Variants in ZFHX3 observed in about 807,000 individuals in gnomAD.
The protein encoded by ZFHX3 is zinc finger homeobox 3.
ZFHX3 carries 42 observed loss-of-function variants against 279.1 expected under a neutral mutation model. The observed-to-expected ratio is 0.15, with a 90% confidence interval of 0.12 to 0.19. The LOEUF (loss-of-function observed/expected upper bound fraction) is 0.19, where lower values mean the gene tolerates loss of function less well. Ranked by LOEUF, ZFHX3 falls within the 10% of genes least tolerant of loss-of-function variation. The pLI is 1.00. For synonymous variants in ZFHX3, 2,293 were observed against 1,957.8 expected (o/e 1.17, Z -4.52); for missense variants, 4,981 against 4,754.0 (o/e 1.05, Z -1.40).
rs78827508 is a variant in ZFHX3, at chr16:73,589,290, G to T, written c.-1547+90890C>A. Among the ~76,000 whole-genome samples the T allele has an allele frequency of 6.9e-3, 535 of 77,926 alleles. 2 individuals carry two copies. The highest frequency in any genetic ancestry group is 0.02 in the Middle Eastern group (2 of 100). 51.1% of individuals were successfully genotyped at this position (77,926 alleles called of 152,430 possible). On this transcript the variant is annotated intron_variant, in intron 2 of 17. Transcript: ENST00000641206. ...AAAAAAAAAAAAAAAAAAAAAAAAA[G>T]CCAGGTGTGGTGGCATGCACCTGTA...
At chr16:73,679,652 T>C (rs2052990141) in intron 2 of ZFHX3, 1 of 152,234 alleles carries the variant, frequency 6.6e-6, no homozygotes, top group Non-Finnish European at 1.5e-5. Flanking sequence ...TCTATTTTAC[T>C]ATTCTGTGGA....
intron 2 of ZFHX3, among the ~76,000 whole-genome samples, chr16:73,617,652 C>T (rs532205271): frequency 1.3e-4 from 20 of 152,162 alleles, no homozygotes; most frequent in South Asian, 4.2e-4. Flanking sequence ...CCATTATTAG[C>T]GAAAGGTATT....
At chr16:72,943,372 A>G (rs1960504079) in intron 3 of ZFHX3, among the ~76,000 whole-genome samples, 1 of 152,094 alleles carries the variant, frequency 6.6e-6, no homozygotes, top group South Asian at 2.1e-4. Context: ...CATCTCTACT[A>G]AAAGTACAAA....
chr16:73,871,019 G>A (rs1044226447), intron 1 of ZFHX3, among the ~76,000 whole-genome samples: 1 of 152,180 alleles, frequency 6.6e-6, no homozygotes, highest in African/African-American at 2.4e-5. Flanking sequence ...CCAGGGAGCT[G>A]TAGATTGCAA....
chr16:73,599,005 C>A (rs969950255), intron 2 of ZFHX3, among the ~76,000 whole-genome samples: 2 of 152,076 alleles, frequency 1.3e-5, no homozygotes, highest in African/African-American at 4.8e-5. Flanking sequence ...TCGTGATCCA[C>A]CTGCCTCAGC....
At position 72,812,014 on chromosome 16, in the gene ZFHX3, T is replaced by C; in HGVS notation, c.3554A>G (p.Glu1185Gly). ...GGAGGTTGCAGGAGAATCTGTCAGC[T>C]CCTTCTCTGCTTGGCTGGACGATGC... ...GGASSSQAEK[E>G]LTDSPATSKR... is the part of the protein sequence containing the mutation. The change falls in exon 6 of 10, where the codon GAG (glutamate) becomes GGG (glycine). Residue 1185 changes from glutamate to glycine, a missense_variant. Glu to Gly is a moderately conservative substitution (Grantham distance 98). Around this residue, in one of 7 missense-constraint regions of ZFHX3, gnomAD observed 1,751 missense variants for 1,770.0 expected, o/e 0.99. Transcript: ENST00000268489. 1 of 1,614,076 alleles carries C rather than the reference T, an allele frequency of 6.2e-7. No homozygotes were observed. The highest frequency in any genetic ancestry group is 8.5e-7 in the Non-Finnish European group (1 of 1,180,028).
intron 1 of ZFHX3, among the ~76,000 whole-genome samples, chr16:73,717,481 C>A (rs574554159): frequency 5.3e-5 from 8 of 152,162 alleles, no homozygotes; most frequent in African/African-American, 1.9e-4. Context: ...ATATACCTAA[C>A]CTCAAATATT....
chr16:73,494,285 A>T (rs1373558454), intron 2 of ZFHX3, among the ~76,000 whole-genome samples: 5 of 152,188 alleles, frequency 3.3e-5, no homozygotes. Context: ...AAATGGCTGC[A>T]GGAAAGAGGG....
chr16:73,113,111 T>C (rs915044083), intron 7 of ZFHX3, among the ~76,000 whole-genome samples: 3 of 149,090 alleles, frequency 2.0e-5, no homozygotes, highest in African/African-American at 7.4e-5. Flanking sequence ...AAAGAGGGAA[T>C]GAGAGGAGGA....
chr16:72,885,018 G>A (rs1216067773), intron 4 of ZFHX3, among the ~76,000 whole-genome samples: 1 of 152,248 alleles, frequency 6.6e-6, no homozygotes, highest in Non-Finnish European at 1.5e-5. Context: ...GTGGGGATTG[G>A]AAGAGGAACC....
chr16:72,950,919 C>G lies in ZFHX3; in HGVS notation c.2766G>C (p.Leu922=), dbSNP rs757686484. The G allele has an allele frequency of 2.5e-6, 4 of 1,613,898 alleles. No homozygotes were observed. The highest frequency in any genetic ancestry group is 3.4e-6 in the Non-Finnish European group (4 of 1,180,032). Residue 922 remains leucine, a synonymous_variant, in exon 3 of 10, where the codon CTG becomes CTC. Transcript: ENST00000268489. ...PLDMRLGGGQ[L]VSEELMNLGE... ...CCAGGTTCATCAGCTCCTCTGACAC[C>G]AGCTGCCCGCCCCCGAGCCGCATGT...
At chr16:73,471,543 G>A (rs555972527) in intron 2 of ZFHX3, among the ~76,000 whole-genome samples, 1 of 152,168 alleles carries the variant, frequency 6.6e-6, no homozygotes, top group East Asian at 1.9e-4. Flanking sequence ...CAAGTAGTTG[G>A]GATTACAGGC....
intron 4 of ZFHX3, among the ~76,000 whole-genome samples, chr16:73,315,876 CT>C (rs1197600876): frequency 6.6e-6 from 1 of 152,150 alleles, no homozygotes; most frequent in Non-Finnish European, 1.5e-5. Context: ...TTCAGCCCCC[CT>C]GGGAGTTGCA....
intron 3 of ZFHX3, among the ~76,000 whole-genome samples, chr16:73,378,070 T>C (rs1259747551): frequency 3.2e-5 from 2 of 62,270 alleles, no homozygotes; most frequent in African/African-American, 4.3e-5. Context: ...AAAAAAAAAA[T>C]CTTATACACA....
intron 2 of ZFHX3, among the ~76,000 whole-genome samples, chr16:73,640,024 C>CGTTCTCT (rs2052560369): frequency 6.6e-6 from 1 of 152,158 alleles, no homozygotes; most frequent in Non-Finnish European, 1.5e-5. Flanking sequence ...TGGAGCTCTA[C>CGTTCTCT]GTTCTCTCCT....
intron 8 of ZFHX3, among the ~76,000 whole-genome samples, chr16:73,086,231 C>A (rs890444059): frequency 1.3e-5 from 2 of 152,042 alleles, no homozygotes; most frequent in South Asian, 2.1e-4. Context: ...GGTAAAGTTG[C>A]AGAAAAAGGG....
At chr16:72,916,248 T>G (rs2039439843) in intron 3 of ZFHX3, among the ~76,000 whole-genome samples, 1 of 152,154 alleles carries the variant, frequency 6.6e-6, no homozygotes, top group Non-Finnish European at 1.5e-5. Flanking sequence ...AACTGGGAGA[T>G]CAGGGACTAT....
chr16:73,355,309 A>C (rs1232380597), intron 3 of ZFHX3, among the ~76,000 whole-genome samples: 1 of 152,204 alleles, frequency 6.6e-6, no homozygotes, highest in South Asian at 2.1e-4. Context: ...GACTCCTGAC[A>C]TGAATAATAA....
chr16:72,971,948 C>T (rs922297903), intron 1 of ZFHX3, among the ~76,000 whole-genome samples: 7 of 134,140 alleles, frequency 5.2e-5, no homozygotes, highest in Admixed American at 3.5e-4. Flanking sequence ...TACAATGGGG[C>T]GATCTCAGCT....
Sources: gnomAD v4.1 joint callset for allele counts (sites outside exome capture counted in the v4.1 genomes callset) on GRCh38, gnomAD v4.1.1 for gene constraint, gnomAD v4.1.1 regional missense constraint, MANE v1.5 for transcripts, NCBI Gene and HGNC (gene_info 2026-07-23, HGNC 2026-07-21) for gene names.